The following STK38 variants were observed in gnomAD, a reference collection of about 807,000 sequenced individuals.
STK38 encodes the protein serine/threonine-protein kinase 38.
STK38 carries 26 observed loss-of-function variants against 59.0 expected under a neutral mutation model. The observed-to-expected ratio is 0.44, with a 90% CI of 0.32 to 0.61. The LOEUF is 0.61. Among genes scored for constraint, STK38 ranks in the 20% least tolerant of loss-of-function variants. The probability of loss-of-function intolerance (pLI) is 0.04; values close to 1 mark genes in which losing one functional copy is unlikely to be tolerated. For synonymous variants in STK38, 175 were observed against 176.6 expected, an observed-to-expected ratio of 0.99 and a Z score of 0.07; for missense variants, 433 against 566.0, an observed-to-expected ratio of 0.76 and a Z score of 2.38.
chr6:36,519,700 T>C (rs1777336323), intron 5 of STK38, among the ~76,000 whole-genome samples: 1 of 152,172 alleles, frequency 6.6e-6, no homozygotes, highest in Non-Finnish European at 1.5e-5. Flanking sequence ...CTTTCCCCTA[T>C]TCCATAAATA....
intron 10 of STK38, among the ~76,000 whole-genome samples, chr6:36,499,378 C>T (rs1268386480): frequency 2.0e-5 from 3 of 152,030 alleles, no homozygotes; most frequent in Non-Finnish European, 2.9e-5. Flanking sequence ...TAGACTCACC[C>T]GGAACCACCA....
intron 2 of STK38, 85 bp downstream of exon 2, chr6:36,539,987 T>C (rs1777892767): frequency 6.4e-7 from 1 of 1,567,732 alleles, no homozygotes. Flanking sequence ...ACTATTCTTG[T>C]CTCCTTTCAG....
At chr6:36,515,247 C>A in intron 7 of STK38, 91 bp downstream of exon 7, 1 of 1,451,696 alleles carries the variant, frequency 6.9e-7, no homozygotes, top group Non-Finnish European at 9.2e-7. Context: ...CACAGCTCGC[C>A]CACTGGGATG....
chr6:36,518,274 T>C (rs1373764376), intron 5 of STK38, among the ~76,000 whole-genome samples: 4 of 152,206 alleles, frequency 2.6e-5, no homozygotes, highest in Non-Finnish European at 5.9e-5. Context: ...CACTGACAAA[T>C]TCTAGAATGC....
At chr6:36,520,426 C>A (rs1451848207) in intron 5 of STK38, among the ~76,000 whole-genome samples, 1 of 152,144 alleles carries the variant, frequency 6.6e-6, no homozygotes, top group East Asian at 1.9e-4. Context: ...ATCATATGTA[C>A]TTTGTTTTGC....
intron 5 of STK38, among the ~76,000 whole-genome samples, chr6:36,518,066 AAT>A (rs1379746759): frequency 6.6e-6 from 1 of 152,262 alleles, no homozygotes; most frequent in African/African-American, 2.4e-5. Context: ...GGCTTTAAAA[AAT>A]GGCAAAATGA....
chr6:36,512,040 C>G (rs1489738955), intron 7 of STK38, among the ~76,000 whole-genome samples: 2 of 152,088 alleles, frequency 1.3e-5, no homozygotes. Flanking sequence ...GCCTGGGTGA[C>G]AGAGTGAGAC....
At chr6:36,537,259 A>G (rs546742193) in intron 2 of STK38, among the ~76,000 whole-genome samples, 110 of 152,314 alleles carry the variant, frequency 7.2e-4, no homozygotes, top group Middle Eastern at 6.8e-3. Flanking sequence ...AAACACTGAC[A>G]ACGCAAATGT....
intron 9 of STK38, among the ~76,000 whole-genome samples, chr6:36,505,650 A>G (rs754683124): frequency 3.3e-5 from 5 of 152,320 alleles, no homozygotes; most frequent in East Asian, 1.9e-4. Context: ...TTACTACCAT[A>G]TATGTGGGCA....
intron 9 of STK38, among the ~76,000 whole-genome samples, chr6:36,502,041 C>A (rs1330372355): frequency 6.6e-6 from 1 of 152,036 alleles, no homozygotes; most frequent in Non-Finnish European, 1.5e-5. Flanking sequence ...TTTAAACCAA[C>A]CCCGGTGGGG....
chr6:36,528,301 TGA>T (rs1333866261), intron 2 of STK38, among the ~76,000 whole-genome samples: 16 of 152,186 alleles, frequency 1.1e-4, no homozygotes, highest in African/African-American at 3.9e-4. Context: ...CCAGCAGTAA[TGA>T]GGATCTGATG....
In STK38 at chr6:36,495,802, G is replaced by A. The variant is rs1465687891; in HGVS notation, c.1380C>T (p.Tyr460=). The change falls in exon 14 of 14, where the codon TAC becomes TAT. Residue 460 remains tyrosine, a synonymous_variant. Transcript: ENST00000229812. Reference sequence around the variant, plus strand: ...AAGAGTACTATTTTGCTGCTTTCATGTAGGAAGGTATTGCCCCCCTTGCAG... The same window carrying A: ...AAGAGTACTATTTTGCTGCTTTCATATAGGAAGGTATTGCCCCCCTTGCAG... The part of the protein sequence containing the change: ...GLTARGAIPS[Y]MKAAK The A allele has an allele frequency of 2.5e-6, 4 of 1,613,998 alleles. No homozygotes were observed. The highest frequency in any genetic ancestry group is 1.7e-5 in the Admixed American group (1 of 60,022).
intron 2 of STK38, among the ~76,000 whole-genome samples, chr6:36,531,501 G>GT (rs1777665567): frequency 1.3e-5 from 2 of 152,124 alleles, no homozygotes; most frequent in African/African-American, 4.8e-5. Context: ...TACCTACTAG[G>GT]TACCTAGGAT....
chr6:36,540,984 C>T (rs1446499072), intron 1 of STK38, among the ~76,000 whole-genome samples: 3 of 152,104 alleles, frequency 2.0e-5, no homozygotes, highest in African/African-American at 7.2e-5. Context: ...TTGCAACCTA[C>T]ACCTCCCAGG....
intron 4 of STK38, among the ~76,000 whole-genome samples, chr6:36,523,558 C>T (rs528511440): frequency 6.6e-6 from 1 of 152,264 alleles, no homozygotes; most frequent in South Asian, 2.1e-4. Flanking sequence ...CCGTGCCTGG[C>T]CCCGGGGTAC....
intron 1 of STK38, among the ~76,000 whole-genome samples, chr6:36,541,824 T>C (rs1303353026): frequency 1.4e-5 from 2 of 140,004 alleles, no homozygotes; most frequent in Non-Finnish European, 3.0e-5. Flanking sequence ...TCCATGTTTT[T>C]CTTTTTCTTT....
At chr6:36,519,031 C>T (rs1490673671) in intron 5 of STK38, among the ~76,000 whole-genome samples, 4 of 152,166 alleles carry the variant, frequency 2.6e-5, no homozygotes, top group Non-Finnish European at 4.4e-5. Flanking sequence ...CATTTCAACA[C>T]CCTCTCCCCT....
intron 8 of STK38, 47 bp from the exon 9 acceptor site, chr6:36,506,691 T>C: frequency 6.4e-7 from 1 of 1,564,098 alleles, no homozygotes; most frequent in Non-Finnish European, 8.7e-7. Flanking sequence ...GACCAAAATG[T>C]TTACTACTTT....
intron 9 of STK38, among the ~76,000 whole-genome samples, chr6:36,505,670 G>A (rs538663879): frequency 6.6e-6 from 1 of 152,290 alleles, no homozygotes; most frequent in East Asian, 1.9e-4. Context: ...AAACGGAAGT[G>A]CTACCATTTC....
Sources: gnomAD v4.1 joint callset for allele counts (sites outside exome capture counted in the v4.1 genomes callset) on GRCh38, gnomAD v4.1.1 for gene constraint, MANE v1.5 for transcripts, NCBI Gene and HGNC (gene_info 2026-07-23, HGNC 2026-07-21) for gene names.